ECPAS: variants seen among roughly 807,000 people sequenced by gnomAD.
The protein encoded by ECPAS is Ecm29 proteasome adaptor and scaffold, also known as proteasome adapter and scaffold protein ECM29.
In ECPAS, 70 loss-of-function variants were observed where a neutral mutation model predicts 255.1. The ratio of observed to expected loss-of-function variants is 0.27; its 90% CI spans 0.23 to 0.33. ECPAS has a LOEUF of 0.33. Ranked by LOEUF, ECPAS falls within the 10% of genes least tolerant of loss-of-function variation. ECPAS has a pLI of 1.00. For missense variants in ECPAS, 1,817 were observed against 2,206.4 expected (o/e 0.82, Z 3.54); for synonymous variants, 784 against 775.0 (o/e 1.01, Z -0.19).
intron 2 of ECPAS, among the ~76,000 whole-genome samples, chr9:111,465,924 C>T (rs7045718): frequency 0.015 from 2,240 of 151,820 alleles, 66 homozygotes; most frequent in African/African-American, 0.051. Flanking sequence ...GTGCCAGCTA[C>T]ACAGGGGGCT....
At chr9:111,437,768 TATTTC>T (rs1484985347) in intron 6 of ECPAS, among the ~76,000 whole-genome samples, 2 of 152,216 alleles carry the variant, frequency 1.3e-5, no homozygotes, top group African/African-American at 4.8e-5. Flanking sequence ...TTATCATCCC[TATTTC>T]ATTTTAGCTT....
chr9:111,442,878 T>C (rs2098247796), intron 4 of ECPAS, among the ~76,000 whole-genome samples: 1 of 152,168 alleles, frequency 6.6e-6, no homozygotes, highest in Non-Finnish European at 1.5e-5. Flanking sequence ...CACTCTGTGG[T>C]TCCTCACTCC....
chr9:111,405,599 GAA>G (rs2098182830), intron 24 of ECPAS, among the ~76,000 whole-genome samples: 1 of 149,942 alleles, frequency 6.7e-6, no homozygotes, highest in African/African-American at 2.5e-5. Flanking sequence ...CCAACAGAGT[GAA>G]GAGACAACCT....
chr9:111,445,590 A>C (rs1056170026), intron 3 of ECPAS, among the ~76,000 whole-genome samples: 2 of 152,152 alleles, frequency 1.3e-5, no homozygotes, highest in Admixed American at 1.3e-4. Flanking sequence ...CCAGAACGAT[A>C]AGAGTTCATA....
At position 111,480,869 on chromosome 9, in the gene ECPAS, G is replaced by T. The variant is rs142830076; in HGVS notation, c.-83+3247C>A. ...TCCTAACTTTCCATTAGGTACTAGA[G>T]CCAGGAAATCCCTTAACTATCAGCA... On this transcript the variant is annotated intron_variant, in intron 1 of 49. Transcript: ENST00000684092. Among the ~76,000 whole-genome samples, 610 of 152,300 alleles carry T rather than the reference G, an allele frequency of 4.0e-3. 8 individuals are homozygous for T. The highest frequency in any genetic ancestry group is 0.014 in the African/African-American group (585 of 41,574).
chr9:111,373,626 C>T (rs1002042314), intron 39 of ECPAS, among the ~76,000 whole-genome samples: 1 of 151,912 alleles, frequency 6.6e-6, no homozygotes, highest in African/African-American at 2.4e-5. Context: ...AAAATAAGAA[C>T]GAGGTATATA....
chr9:111,368,694 A>G (rs925175440), intron 46 of ECPAS, among the ~76,000 whole-genome samples: 3 of 152,208 alleles, frequency 2.0e-5, no homozygotes, highest in African/African-American at 7.2e-5. Context: ...GGGAGAAGAC[A>G]GCCATTCCCA....
intron 12 of ECPAS, 104 bp from the exon 13 acceptor site, chr9:111,423,352 T>C (rs1352336159): frequency 6.6e-6 from 5 of 758,898 alleles, no homozygotes; most frequent in Non-Finnish European, 1.1e-5. Flanking sequence ...ACATGCATTA[T>C]TTTACTCCTT....
Position 111,418,068 on chromosome 9 carries a change from AAGAAT to A in ECPAS, c.1560-67_1560-63del, listed in dbSNP as rs1589168396. 6.9e-6 allele frequency: 10 copies of A among 1,453,570 alleles called. No homozygotes were observed. The East Asian group carries it at 2.2e-4, about 32-fold the overall frequency. 90.0% of individuals were successfully genotyped at this position (1,453,570 alleles called of 1,614,324 possible). On this transcript the variant is annotated intron_variant, in intron 16 of 49. Transcript: ENST00000684092. ...GTCACCAATGGGAAATGATCATTTG[AAGAAT>A]AAGAACAGCAATTTTATTTGGCAGC...
intron 9 of ECPAS, among the ~76,000 whole-genome samples, chr9:111,429,400 A>T (rs1193852522): frequency 6.6e-6 from 1 of 152,186 alleles, no homozygotes. Context: ...ATATTGACAC[A>T]GTACAAAAAG....
chr9:111,433,069 C>T (rs1352363696), intron 8 of ECPAS, among the ~76,000 whole-genome samples, 164 bp downstream of exon 8: 1 of 152,214 alleles, frequency 6.6e-6, no homozygotes, highest in African/African-American at 2.4e-5. Context: ...CTGTCTTACA[C>T]AGAATTCAAC....
Position 111,374,042 on chromosome 9 carries a change from C to T in ECPAS, c.4111-4G>A. ...CAATGACACTGGCACAGCCACCCTA[C>T]AGGGTTACAAAAGCAAAGGTCTAAA... On this transcript the variant is annotated splice_polypyrimidine_tract_variant and splice_region_variant and intron_variant, in intron 38 of 49. Transcript: ENST00000684092. The T allele has an allele frequency of 6.2e-7, 1 of 1,611,516 alleles. No homozygotes were observed. The highest frequency in any genetic ancestry group is 8.5e-7 in the Non-Finnish European group (1 of 1,177,708).
In ECPAS at chr9:111,361,829, C is replaced by T. The variant is rs1301780109; in HGVS notation, c.*201G>A. ...CAAACATCCAAGGTTCCATTAAGCT[C>T]ACTCAGCCCAGATACTTTAAAAACA... On this transcript the variant is annotated 3_prime_UTR_variant, in exon 50 of 50. Coordinates refer to ENST00000684092, the MANE Select transcript of ECPAS (RefSeq NM_001364929.1). The T allele has an allele frequency of 2.8e-5, 13 of 467,342 alleles. No homozygotes were observed. The highest frequency in any genetic ancestry group is 6.1e-5 in the African/African-American group (3 of 49,560). The allele number at this position is 467,342 out of a possible 1,614,324, so 28.9% of individuals were successfully genotyped here. A position where few individuals can be genotyped will look rare whatever the true frequency, so the allele number is the denominator to read the frequency against.
intron 15 of ECPAS, 52 bp downstream of exon 15, chr9:111,421,869 T>A: frequency 6.3e-7 from 1 of 1,578,702 alleles, no homozygotes; most frequent in African/African-American, 1.4e-5. Context: ...AATTTTGTTC[T>A]TAAAAATGTA....
At chr9:111,390,426 T>A (rs1169971213) in intron 29 of ECPAS, among the ~76,000 whole-genome samples, 2 of 152,224 alleles carry the variant, frequency 1.3e-5, no homozygotes, top group African/African-American at 4.8e-5. Context: ...CACGTGATCA[T>A]AAGAGAGTCA....
At chr9:111,445,027 G>A (rs949538451) in intron 3 of ECPAS, among the ~76,000 whole-genome samples, 8 of 122,366 alleles carry the variant, frequency 6.5e-5, no homozygotes, top group East Asian at 2.4e-4. Context: ...ATGGAGTCTC[G>A]CTCTGTTGCC....
chr9:111,436,569 T>C (rs1469196833), intron 7 of ECPAS, among the ~76,000 whole-genome samples: 1 of 152,196 alleles, frequency 6.6e-6, no homozygotes, highest in African/African-American at 2.4e-5. Flanking sequence ...AGAAAAATTG[T>C]ATTTTAACTG....
chr9:111,411,574 G>T, intron 21 of ECPAS: 1 of 175,158 alleles, frequency 5.7e-6, no homozygotes, highest in Non-Finnish European at 1.2e-5. Flanking sequence ...CCAAACACAA[G>T]GTAACCAACA....
chr9:111,421,362 T>G (rs1476987421), intron 15 of ECPAS, among the ~76,000 whole-genome samples: 1 of 151,806 alleles, frequency 6.6e-6, no homozygotes, highest in Non-Finnish European at 1.5e-5. Flanking sequence ...CCTAAAAATG[T>G]GGGACAAAGA....
Sources: gnomAD v4.1 joint callset for allele counts (sites outside exome capture counted in the v4.1 genomes callset) on GRCh38, gnomAD v4.1.1 for gene constraint, MANE v1.5 for transcripts, NCBI Gene and HGNC (gene_info 2026-07-23, HGNC 2026-07-21) for gene names.